The following PCLO variants were observed in gnomAD, a reference collection of about 807,000 sequenced individuals.
PCLO encodes protein piccolo.
PCLO carries 82 observed loss-of-function variants against 427.5 expected under a neutral mutation model. That is an observed-to-expected ratio of 0.19 (90% CI 0.16 to 0.23). The LOEUF (loss-of-function observed/expected upper bound fraction) is 0.23. Ranked by LOEUF, PCLO falls within the 10% of genes least tolerant of loss-of-function variation. The probability of loss-of-function intolerance (pLI) is 1.00; values close to 1 mark genes in which losing one functional copy is unlikely to be tolerated. For synonymous variants in PCLO, 2,357 were observed against 2,155.4 expected (o/e 1.09, Z -2.59); for missense variants, 6,239 against 6,115.9 (o/e 1.02, Z -0.67).
chr7:82,811,334 T>C (rs972184924), intron 20 of PCLO, among the ~76,000 whole-genome samples: 1 of 151,544 alleles, frequency 6.6e-6, no homozygotes, highest in African/African-American at 2.4e-5. Flanking sequence ...CCTCTCTTTC[T>C]TTGTTTCTTT....
intron 8 of PCLO, among the ~76,000 whole-genome samples, chr7:82,903,409 GGTAGA>G (rs1413279309): frequency 6.6e-6 from 1 of 151,816 alleles, no homozygotes; most frequent in Admixed American, 6.6e-5. Context: ...CATTCCTTAG[GGTAGA>G]AGAAGTAACA....
At chr7:82,766,227 G>C (rs368850592) in intron 22 of PCLO, among the ~76,000 whole-genome samples, 1 of 152,056 alleles carries the variant, frequency 6.6e-6, no homozygotes, top group African/African-American at 2.4e-5. Flanking sequence ...AGATTCAAGA[G>C]TCTCAGTAGA....
At chr7:82,880,480 G>T in intron 9 of PCLO, 1 of 314,750 alleles carries the variant, frequency 3.2e-6, no homozygotes, top group Non-Finnish European at 6.7e-6. Flanking sequence ...CTAAGCTGAA[G>T]CAATCCTCCT....
chr7:82,780,101 G>A (rs1790841276), intron 22 of PCLO, among the ~76,000 whole-genome samples: 2 of 152,034 alleles, frequency 1.3e-5, no homozygotes, highest in African/African-American at 4.8e-5. Context: ...CATTTGGTTG[G>A]CAGGAACACC....
At chr7:82,843,387 A>G (rs1385273304) in intron 13 of PCLO, among the ~76,000 whole-genome samples, 1 of 152,138 alleles carries the variant, frequency 6.6e-6, no homozygotes, top group East Asian at 1.9e-4. Context: ...AATGGTAGTT[A>G]CCAGGGGCTA....
chr7:83,143,730 C>T (rs548424641), intron 2 of PCLO, among the ~76,000 whole-genome samples: 1 of 151,298 alleles, frequency 6.6e-6, no homozygotes, highest in Non-Finnish European at 1.5e-5. Flanking sequence ...TGTATCCATA[C>T]CGTATCACAA....
At chr7:82,806,094 G>T (rs573785582) in intron 20 of PCLO, among the ~76,000 whole-genome samples, 1 of 152,176 alleles carries the variant, frequency 6.6e-6, no homozygotes, top group East Asian at 1.9e-4. Flanking sequence ...AAGTTAAATA[G>T]TATGTAACTA....
chr7:82,917,207 A>T (rs567216471), intron 6 of PCLO, among the ~76,000 whole-genome samples: 1 of 152,186 alleles, frequency 6.6e-6, no homozygotes, highest in East Asian at 1.9e-4. Context: ...TTTGTTGGAG[A>T]TGTTCATTCA....
At chr7:83,150,426 T>G (rs2116668655) in intron 2 of PCLO, among the ~76,000 whole-genome samples, 1 of 152,330 alleles carries the variant, frequency 6.6e-6, no homozygotes, top group East Asian at 1.9e-4. Context: ...AGCATACATC[T>G]TGATAGCCTC....
intron 3 of PCLO, among the ~76,000 whole-genome samples, chr7:83,060,910 C>T (rs1436416947): frequency 6.6e-6 from 1 of 152,164 alleles, no homozygotes; most frequent in Non-Finnish European, 1.5e-5. Flanking sequence ...ACAAACTACT[C>T]GTCCATAAAG....
intron 10 of PCLO, among the ~76,000 whole-genome samples, chr7:82,874,712 T>C (rs1357351915): frequency 6.6e-6 from 1 of 152,142 alleles, no homozygotes; most frequent in Non-Finnish European, 1.5e-5. Flanking sequence ...TGAACTTAAA[T>C]ATAAAAAGGT....
chr7:83,054,964 A>G (rs2116282389), intron 3 of PCLO, among the ~76,000 whole-genome samples: 1 of 152,210 alleles, frequency 6.6e-6, no homozygotes, highest in African/African-American at 2.4e-5. Context: ...TTTAAACATC[A>G]GGTATCTTGT....
intron 10 of PCLO, among the ~76,000 whole-genome samples, chr7:82,870,297 C>A (rs1793201514): frequency 6.6e-6 from 1 of 151,866 alleles, no homozygotes; most frequent in African/African-American, 2.4e-5. Flanking sequence ...GCATTTACAG[C>A]CAACACAGTT....
At chr7:82,936,855 T>C (rs1410271661) in intron 6 of PCLO, among the ~76,000 whole-genome samples, 1 of 151,742 alleles carries the variant, frequency 6.6e-6, no homozygotes, top group African/African-American at 2.4e-5. Context: ...ACAAAGTAGA[T>C]GAACATAGAA....
intron 10 of PCLO, among the ~76,000 whole-genome samples, chr7:82,866,090 C>T (rs2115948026): frequency 6.6e-6 from 1 of 152,272 alleles, no homozygotes; most frequent in South Asian, 2.1e-4. Context: ...CTGTTCTTGG[C>T]ACACAACAAG....
At chr7:82,835,645 A>G in intron 16 of PCLO, 22 bp downstream of exon 16, 1 of 1,600,906 alleles carries the variant, frequency 6.2e-7, no homozygotes, top group Non-Finnish European at 8.5e-7. Context: ...AGAGCTTGAC[A>G]CTGAAAGAGA....
chr7:82,974,495 G>A (rs139644978), intron 3 of PCLO, among the ~76,000 whole-genome samples: 10 of 152,058 alleles, frequency 6.6e-5, no homozygotes, highest in African/African-American at 2.4e-4. Flanking sequence ...TAAACTTATG[G>A]GTAATCATAC....
intron 7 of PCLO, among the ~76,000 whole-genome samples, chr7:82,911,214 A>G (rs1326413921): frequency 1.3e-5 from 2 of 152,100 alleles, no homozygotes; most frequent in Admixed American, 6.6e-5. Context: ...CTGAATAAAG[A>G]TGACTATCAT....
At chr7:82,857,623 T>C (rs1195225209) in intron 10 of PCLO, among the ~76,000 whole-genome samples, 7 of 152,054 alleles carry the variant, frequency 4.6e-5, no homozygotes, top group African/African-American at 1.7e-4. Flanking sequence ...ATAACATAAT[T>C]TGACAGATAA....
Sources: allele counts gnomAD v4.1 joint callset (sites outside exome capture counted in the v4.1 genomes callset), GRCh38; gene constraint gnomAD v4.1.1; transcripts MANE v1.5; gene names NCBI Gene and HGNC (gene_info 2026-07-23, HGNC 2026-07-21).